PLA2G2A: variants seen among roughly 807,000 people sequenced by gnomAD.
PLA2G2A encodes the protein phospholipase A2, membrane associated.
Under a neutral mutation model 11.2 loss-of-function variants are expected in PLA2G2A, and 6 were observed. The observed-to-expected ratio is 0.54, with a 90% CI of 0.29 to 1.06. The LOEUF is 1.06. Among genes scored for constraint, PLA2G2A ranks in the 50% least tolerant of loss-of-function variants. The pLI, the probability that PLA2G2A is intolerant of heterozygous loss-of-function variation, is 0.08. For missense variants in PLA2G2A, 133 were observed against 177.1 expected, an observed-to-expected ratio of 0.75 and a Z score of 1.41; for synonymous variants, 69 against 65.8, an observed-to-expected ratio of 1.05 and a Z score of -0.23.
In PLA2G2A at chr1:19,978,129, G is replaced by A. The variant is rs772752135; in HGVS notation, c.186-8C>T. On this transcript the variant is annotated splice_polypyrimidine_tract_variant and splice_region_variant and intron_variant, in intron 3 of 4. Transcript: ENST00000482011. ...TCATGAGTGACACAGCAGCTGTGAG[G>A]AGACACCCTGTTGGGGCTCTTGTCC... 6.3e-6 allele frequency: 10 copies of A among 1,596,946 alleles called. No homozygotes were observed. Among genetic ancestry groups the A allele is most frequent in the Middle Eastern group, 3.3e-4 (2 of 6,032 alleles).
chr1:19,978,613 C>A, intron 2 of PLA2G2A, 89 bp from the exon 3 acceptor site: 1 of 1,600,362 alleles, frequency 6.2e-7, no homozygotes, highest in Non-Finnish European at 8.6e-7. Flanking sequence ...TCCTTCCTCC[C>A]AAATGGCTTC....
chr1:19,977,948 GCCCAGCACAGTC>G, intron 4 of PLA2G2A, 55 bp downstream of exon 4: 1 of 942,966 alleles, frequency 1.1e-6, no homozygotes, highest in Non-Finnish European at 1.8e-6. Context: ...TATCTTTGGT[GCCCAGCACAGTC>G]CCCAGCACTG....
At chr1:19,977,512 G>A (rs1193948627) in intron 4 of PLA2G2A, among the ~76,000 whole-genome samples, 1 of 152,190 alleles carries the variant, frequency 6.6e-6, no homozygotes, top group Non-Finnish European at 1.5e-5. Flanking sequence ...ATGCAAATCT[G>A]ACCCTGTAGC....
chr1:19,975,560 G>T, downstream of PLA2G2A: 1 of 768,658 alleles, frequency 1.3e-6, no homozygotes, highest in Non-Finnish European at 2.3e-6. Flanking sequence ...TTCTGGGTGG[G>T]TATAGAAGGG....
At chr1:19,976,112 G>A (rs1239415414) in intron 4 of PLA2G2A, among the ~76,000 whole-genome samples, 3 of 152,206 alleles carry the variant, frequency 2.0e-5, no homozygotes, top group African/African-American at 7.2e-5. Flanking sequence ...CTTGCTAACA[G>A]ATGTGTCCAG....
upstream of PLA2G2A, among the ~76,000 whole-genome samples, chr1:19,980,079 G>A (rs1254147499): frequency 2.0e-5 from 3 of 152,124 alleles, no homozygotes; most frequent in East Asian, 5.8e-4. Context: ...TCATTCAGCC[G>A]CTCAATCATT....
intron 2 of PLA2G2A, 47 bp downstream of exon 2, chr1:19,978,687 C>T (rs372467984): frequency 5.2e-5 from 84 of 1,609,238 alleles, no homozygotes; most frequent in Admixed American, 1.7e-5. Flanking sequence ...GAGTGCTTCC[C>T]TTCTGGGGCT....
At chr1:19,976,733 C>T (rs2046224507) in intron 4 of PLA2G2A, among the ~76,000 whole-genome samples, 1 of 152,194 alleles carries the variant, frequency 6.6e-6, no homozygotes, top group Non-Finnish European at 1.5e-5. Flanking sequence ...CCACCCACCT[C>T]TCCTCCCCTT....
chr1:19,975,593 G>T (rs537898118), downstream of PLA2G2A: 58 of 1,019,322 alleles, frequency 5.7e-5, 1 homozygote, highest in African/African-American at 8.8e-4. Context: ...CTCTAGGATG[G>T]GTGAGGGATG....
At chr1:19,979,974 C>A (rs993238134), upstream of PLA2G2A, among the ~76,000 whole-genome samples, 1 of 152,188 alleles carries the variant, frequency 6.6e-6, no homozygotes, top group Admixed American at 6.5e-5. Flanking sequence ...CTCATTTGCA[C>A]ACCCAAAGGG....
At chr1:19,976,263 T>C (rs2046217926) in intron 4 of PLA2G2A, among the ~76,000 whole-genome samples, 1 of 152,176 alleles carries the variant, frequency 6.6e-6, no homozygotes, top group Non-Finnish European at 1.5e-5. Context: ...CAAGGGGAAG[T>C]CTGCTGGGGG....
exon 5 of PLA2G2A, chr1:19,975,724 T>TGCA (rs2046210714): frequency 6.2e-7 from 1 of 1,613,820 alleles, no homozygotes; most frequent in African/African-American, 1.3e-5. Context: ...GTGCTCCCTC[T>TGCA]GCAGTGTTTA....
At chr1:19,975,636 A>C, downstream of PLA2G2A, 2 of 1,450,196 alleles carry the variant, frequency 1.4e-6, no homozygotes, top group Non-Finnish European at 1.9e-6. Flanking sequence ...TGGTTAGGGT[A>C]GGGAGGGAGG....
chr1:19,978,312 T>C, intron 3 of PLA2G2A, 68 bp downstream of exon 3: 1 of 1,577,066 alleles, frequency 6.3e-7, no homozygotes, highest in South Asian at 1.1e-5. Flanking sequence ...GAACCGGCAC[T>C]GTCTTTGCAG....
At chr1:19,978,359 G>C (rs2046252360) in intron 3 of PLA2G2A, 21 bp downstream of exon 3, 1 of 1,609,972 alleles carries the variant, frequency 6.2e-7, no homozygotes, top group African/African-American at 1.3e-5. Context: ...TAGGAGGGTA[G>C]GGAGGGATAG....
chr1:19,976,283 A>G (rs1343848457), intron 4 of PLA2G2A, among the ~76,000 whole-genome samples: 1 of 152,206 alleles, frequency 6.6e-6, no homozygotes, highest in African/African-American at 2.4e-5. Flanking sequence ...GCTTCTGGGA[A>G]CGATCTATTT....
intron 2 of PLA2G2A, 96 bp downstream of exon 2, chr1:19,978,638 G>A: frequency 6.3e-7 from 1 of 1,595,768 alleles, no homozygotes; most frequent in South Asian, 1.1e-5. Context: ...TTCCCCCTGA[G>A]AGAGGATCAC....
chr1:19,980,287 A>G (rs1273834818), upstream of PLA2G2A: 1 of 152,142 alleles, frequency 6.6e-6, no homozygotes, highest in Non-Finnish European at 1.5e-5. Context: ...ATGAGCTTCT[A>G]AACCTGGAAA....
chr1:19,978,226 AAC>A (rs2046248614), intron 3 of PLA2G2A, 105 bp from the exon 4 acceptor site: 7 of 1,335,642 alleles, frequency 5.2e-6, no homozygotes, highest in Non-Finnish European at 6.4e-6. Flanking sequence ...GTGACTTTGC[AAC>A]AGTCTAGAGC....
Sources: allele counts gnomAD v4.1 joint callset (sites outside exome capture counted in the v4.1 genomes callset), GRCh38; gene constraint gnomAD v4.1.1; transcripts MANE v1.5; gene names NCBI Gene and HGNC (gene_info 2026-07-23, HGNC 2026-07-21).